The following ANTXR2 variants were observed in gnomAD, a reference collection of about 807,000 sequenced individuals.
ANTXR2 encodes the protein ANTXR cell adhesion molecule 2.
A neutral mutation model predicts 73.7 loss-of-function variants in ANTXR2; 44 were observed. The observed-to-expected ratio is 0.60, with a 90% CI of 0.47 to 0.77. The LOEUF (loss-of-function observed/expected upper bound fraction) is 0.77, where lower values mean the gene tolerates loss of function less well. Among genes scored for constraint, ANTXR2 ranks in the 30% least tolerant of loss-of-function variants. ANTXR2 has a pLI of 0.00. For synonymous variants in ANTXR2, 217 were observed against 205.9 expected, an observed-to-expected ratio of 1.05 and a Z score of -0.46; for missense variants, 604 against 592.5, an observed-to-expected ratio of 1.02 and a Z score of -0.20.
intron 16 of ANTXR2, among the ~76,000 whole-genome samples, chr4:79,973,121 G>A (rs1294922614): frequency 6.6e-6 from 1 of 151,650 alleles, no homozygotes; most frequent in Non-Finnish European, 1.5e-5. Context: ...AGGGAAAGAG[G>A]AAGGTGGGGA....
rs1734703884 is a variant in ANTXR2 at position 80,069,923 on chromosome 4, T to C, written c.225-416A>G. On this transcript the variant is annotated intron_variant, in intron 2 of 16. Transcript: ENST00000403729. ...AGTACCCAGTTTGACTTAATGACCA[T>C]AACTATGATATGAGTCTATAAAAAA... Among the ~76,000 whole-genome samples, 3 of 152,222 alleles carry C rather than the reference T, an allele frequency of 2.0e-5. No individual in the cohort carries two copies. In the South Asian group the frequency reaches 6.2e-4, roughly 32 times the overall value.
At chr4:79,981,276 T>C (rs762129077) in intron 14 of ANTXR2, among the ~76,000 whole-genome samples, 24 of 152,192 alleles carry the variant, frequency 1.6e-4, no homozygotes, top group Non-Finnish European at 2.9e-4. Context: ...CAAAATGCTC[T>C]AAAACCTGAA....
intron 3 of ANTXR2, among the ~76,000 whole-genome samples, chr4:80,067,969 T>C (rs1330582700): frequency 6.6e-6 from 1 of 151,746 alleles, no homozygotes; most frequent in Non-Finnish European, 1.5e-5. Context: ...TGCACATGTA[T>C]CCCAGAACTT....
rs56764571 is a variant in ANTXR2, at chr4:80,062,396, C to A, written c.297-6383G>T. ...ATGAAAAATCAACCCCTGCATTTTA[C>A]CACTTCCGTGTGCCAGGTCTGTCTC... is the stretch of plus-strand genomic sequence containing the variant. On this transcript the variant is annotated intron_variant, in intron 3 of 16. Coordinates refer to ENST00000403729, the MANE Select transcript of ANTXR2 (RefSeq NM_058172.6). Among the ~76,000 whole-genome samples, 1,308 of 152,254 alleles carry A rather than the reference C, an allele frequency of 8.6e-3. 22 individuals carry two copies. Among genetic ancestry groups the A allele is most frequent in the African/African-American group, 0.03 (1,232 of 41,542 alleles).
At chr4:80,003,270 A>C (rs1350818703) in intron 12 of ANTXR2, among the ~76,000 whole-genome samples, 1 of 151,730 alleles carries the variant, frequency 6.6e-6, no homozygotes, top group African/African-American at 2.4e-5. Context: ...AGGGACATGG[A>C]TGAAATTGGA....
At chr4:79,997,715 T>C (rs1730795786) in intron 12 of ANTXR2, among the ~76,000 whole-genome samples, 1 of 151,948 alleles carries the variant, frequency 6.6e-6, no homozygotes, top group African/African-American at 2.4e-5. Context: ...GCCTGAAATC[T>C]GGACAATAAA....
At chr4:80,007,676 T>C (rs1253072528) in intron 12 of ANTXR2, among the ~76,000 whole-genome samples, 2 of 152,006 alleles carry the variant, frequency 1.3e-5, no homozygotes, top group Admixed American at 1.3e-4. Flanking sequence ...TACAGAAAAA[T>C]GGTTGAAAAG....
chr4:79,956,409 A>AAAATGACAG (rs1451920308), intron 16 of ANTXR2, among the ~76,000 whole-genome samples: 4 of 152,136 alleles, frequency 2.6e-5, no homozygotes, highest in Admixed American at 6.5e-5. Flanking sequence ...GCTGCACTGT[A>AAAATGACAG]AAATGACAGC....
Position 80,041,159 on chromosome 4 carries a change from T to C in ANTXR2, c.637-5127A>G, listed in dbSNP as rs111970772. 7.3e-3 allele frequency among the ~76,000 whole-genome samples: 1,106 copies of C among 152,178 alleles called. 10 individuals carry two copies. Among genetic ancestry groups the C allele is most frequent in the African/African-American group, 0.025 (1,040 of 41,550 alleles). ...ATGAGGAAACTGGGGCTTAGAAAGA[T>C]TTTTTTAACTGCCCTAGAAGAATTA... On this transcript the variant is annotated intron_variant, in intron 7 of 16. Coordinates refer to ENST00000403729, the MANE Select transcript of ANTXR2 (RefSeq NM_058172.6).
At chr4:79,987,162 A>G (rs1730204165) in intron 12 of ANTXR2, among the ~76,000 whole-genome samples, 1 of 152,114 alleles carries the variant, frequency 6.6e-6, no homozygotes, top group Non-Finnish European at 1.5e-5. Context: ...CAGACACAGA[A>G]TCAGAATCTG....
Position 79,901,588 on chromosome 4 carries a change from G to T in ANTXR2, c.*5841C>A. ...TTCCACAGACCGGGGGGTGGGGGGT[G>T]GGGATGGTTTCAGGATAATTCAAGT... On this transcript the variant is annotated 3_prime_UTR_variant, in exon 17 of 17. Coordinates refer to ENST00000403729, the MANE Select transcript of ANTXR2 (RefSeq NM_058172.6). 2 of 85,778 alleles carry T rather than the reference G, an allele frequency of 2.3e-5. No homozygotes were observed. The highest frequency in any genetic ancestry group is 9.3e-5 in the African/African-American group (2 of 21,600). The allele number at this position is 85,778 out of a possible 1,614,324, so 5.3% of individuals were successfully genotyped here.
intron 12 of ANTXR2, among the ~76,000 whole-genome samples, chr4:79,997,274 A>T (rs1730773640): frequency 6.6e-6 from 1 of 151,780 alleles, no homozygotes; most frequent in Admixed American, 6.6e-5. Context: ...AAAAAAAAAG[A>T]TATTGTACAA....
rs979415804 is a variant in ANTXR2, at chr4:80,055,296, T to G, written c.486+64A>C. ...AGTGAATTATTCAAATATCAAGCTA[T>G]ACATTCCGAGACACACAGCGATGTA... On this transcript the variant is annotated intron_variant, in intron 5 of 16. Coordinates refer to ENST00000403729, the MANE Select transcript of ANTXR2 (RefSeq NM_058172.6). The G allele has an allele frequency of 6.4e-6, 10 of 1,556,598 alleles. No individual in the cohort carries two copies. In the African/African-American group the frequency reaches 1.2e-4, roughly 19 times the overall value.
chr4:79,963,021 T>C (rs1220866421), intron 16 of ANTXR2, among the ~76,000 whole-genome samples: 1 of 152,144 alleles, frequency 6.6e-6, no homozygotes, highest in Non-Finnish European at 1.5e-5. Context: ...TTCGCAACTG[T>C]GATGGGAACA....
intron 14 of ANTXR2, among the ~76,000 whole-genome samples, chr4:79,981,173 T>C (rs1244565642): frequency 6.6e-6 from 1 of 152,154 alleles, no homozygotes; most frequent in Non-Finnish European, 1.5e-5. Flanking sequence ...AATAAATTAA[T>C]GTTTGAAAAT....
At chr4:80,051,915 T>A (rs1321446219) in intron 7 of ANTXR2, among the ~76,000 whole-genome samples, 1 of 151,682 alleles carries the variant, frequency 6.6e-6, no homozygotes, top group African/African-American at 2.4e-5. Flanking sequence ...CAGACTATCT[T>A]GGTCATTGGA....
chr4:79,937,405 A>T (rs1244291082), intron 16 of ANTXR2, among the ~76,000 whole-genome samples: 11 of 152,194 alleles, frequency 7.2e-5, no homozygotes, highest in Admixed American at 7.2e-4. Flanking sequence ...GCATTTGGAC[A>T]TATCTTCATT....
At chr4:80,016,391 A>G (rs1462878971) in intron 11 of ANTXR2, among the ~76,000 whole-genome samples, 2 of 151,924 alleles carry the variant, frequency 1.3e-5, no homozygotes, top group African/African-American at 4.8e-5. Flanking sequence ...CTGACATCCT[A>G]GTCTCCCTTC....
chr4:80,068,200 T>C (rs1347018918), intron 3 of ANTXR2, among the ~76,000 whole-genome samples: 3 of 152,210 alleles, frequency 2.0e-5, no homozygotes, highest in Non-Finnish European at 4.4e-5. Context: ...ATATTATGAT[T>C]TCTTGACCTT....
Sources: allele counts gnomAD v4.1 joint callset (sites outside exome capture counted in the v4.1 genomes callset), GRCh38; gene constraint gnomAD v4.1.1; transcripts MANE v1.5; gene names NCBI Gene and HGNC (gene_info 2026-07-23, HGNC 2026-07-21).